Variants in RABGAP1L observed in about 807,000 individuals in gnomAD.
The protein encoded by RABGAP1L is rab GTPase-activating protein 1-like.
A neutral mutation model predicts 137.7 loss-of-function variants in RABGAP1L; 63 were observed. The observed-to-expected ratio is 0.46, with a 90% CI of 0.37 to 0.56. The LOEUF (loss-of-function observed/expected upper bound fraction) is 0.56. RABGAP1L is among the 20% of genes least tolerant of loss of function. The pLI is 0.00. For synonymous variants in RABGAP1L, 431 were observed against 433.7 expected, an observed-to-expected ratio of 0.99 and a Z score of 0.08; for missense variants, 1,095 against 1,244.0, an observed-to-expected ratio of 0.88 and a Z score of 1.80.
chr1:174,198,906 C>G (rs888990210), intron 1 of RABGAP1L, among the ~76,000 whole-genome samples: 1 of 152,036 alleles, frequency 6.6e-6, no homozygotes, highest in Non-Finnish European at 1.5e-5. Flanking sequence ...GTTGGGAGTT[C>G]GAGACCAGCC....
intron 1 of RABGAP1L, 32 bp from the exon 2 acceptor site, chr1:174,219,093 G>GT (rs375410689): frequency 0.052 from 51,736 of 1,002,886 alleles, no homozygotes; most frequent in South Asian, 0.065. Context: ...TAATCAGTAG[G>GT]TTTTTTTTTT....
At chr1:174,654,641 T>C (rs1675829236) in intron 14 of RABGAP1L, among the ~76,000 whole-genome samples, 1 of 152,126 alleles carries the variant, frequency 6.6e-6, no homozygotes, top group Non-Finnish European at 1.5e-5. Context: ...TTAAAAAAAA[T>C]ATGGTGTTCT....
chr1:174,327,964 T>TATATATATAC (rs1247519503), intron 11 of RABGAP1L, among the ~76,000 whole-genome samples: 246 of 13,882 alleles, frequency 0.018, 16 homozygotes, highest in African/African-American at 0.13. Flanking sequence ...TAAATATATA[T>TATATATATAC]ATATATATAT....
intron 17 of RABGAP1L, among the ~76,000 whole-genome samples, chr1:174,727,363 G>A (rs548588191): frequency 2.0e-4 from 30 of 152,270 alleles, no homozygotes; most frequent in African/African-American, 6.7e-4. Flanking sequence ...GAATCATATG[G>A]TGATCCTATT....
Position 174,311,915 on chromosome 1 carries a change from A to T in RABGAP1L, c.1465+6788A>T. On this transcript the variant is annotated intron_variant, in intron 11 of 25. Coordinates refer to ENST00000681986, the MANE Select transcript of RABGAP1L (RefSeq NM_001366446.1). Reference sequence around the variant, plus strand: ...AGCCACCATGCCCAGCTGACAGATGACTGGATCTTATTCTTTTTTATGATT... The same window carrying T: ...AGCCACCATGCCCAGCTGACAGATGTCTGGATCTTATTCTTTTTTATGATT... Among the ~76,000 whole-genome samples the T allele has an allele frequency of 1.3e-5, 2 of 152,156 alleles. 1 individual carries two copies. The highest frequency in any genetic ancestry group is 4.8e-5 in the African/African-American group (2 of 41,450).
chr1:174,989,732 G>A, intron 25 of RABGAP1L, 117 bp from the exon 26 acceptor site: 3 of 1,138,298 alleles, frequency 2.6e-6, no homozygotes, highest in South Asian at 3.2e-5. Context: ...CCTGGGTTTT[G>A]TGGGAGGAAA....
intron 19 of RABGAP1L, among the ~76,000 whole-genome samples, chr1:174,903,292 C>T (rs4651205): frequency 0.39 from 58,864 of 152,092 alleles, 14,283 homozygotes; most frequent in African/African-American, 0.69. Context: ...CATTCTGTAG[C>T]TGGAGTTGTC....
At chr1:174,741,764 T>A (rs1470587626) in intron 17 of RABGAP1L, among the ~76,000 whole-genome samples, 1 of 151,180 alleles carries the variant, frequency 6.6e-6, no homozygotes, top group Admixed American at 6.6e-5. Context: ...ATGTGGCTAC[T>A]TTTATACCAT....
chr1:174,163,774 T>A (rs1055381979), intron 1 of RABGAP1L, among the ~76,000 whole-genome samples: 2 of 152,158 alleles, frequency 1.3e-5, no homozygotes, highest in Admixed American at 6.5e-5. Context: ...GACAGTTTTT[T>A]TTTTTAATAA....
intron 17 of RABGAP1L, among the ~76,000 whole-genome samples, chr1:174,744,449 A>G (rs1683709838): frequency 6.6e-6 from 1 of 152,264 alleles, no homozygotes; most frequent in Non-Finnish European, 1.5e-5. Context: ...CAGAGAAGCC[A>G]AATGGATTTT....
At chr1:174,246,403 G>A (rs1198790411) in intron 5 of RABGAP1L, 2 of 152,202 alleles carry the variant, frequency 1.3e-5, no homozygotes, top group African/African-American at 4.8e-5. Flanking sequence ...ATGTATTGAA[G>A]TGTTTGCCAT....
At chr1:174,722,797 T>G (rs1344623285) in intron 17 of RABGAP1L, among the ~76,000 whole-genome samples, 1 of 152,130 alleles carries the variant, frequency 6.6e-6, no homozygotes, top group Non-Finnish European at 1.5e-5. Flanking sequence ...AGCAAGAATC[T>G]TCTATGCCTT....
rs142948941 is a variant in RABGAP1L, at chr1:174,693,138, T to C, written c.1900-6387T>C. Among the ~76,000 whole-genome samples, 444 of 152,300 alleles carry C rather than the reference T, an allele frequency of 2.9e-3. 4 individuals carry two copies. The highest frequency in any genetic ancestry group is 0.01 in the African/African-American group (417 of 41,568). ...AGATTCTTAGTAAACCAAAATATAG[T>C]TGTCCCTCAGTATTGGGAACTAATG... On this transcript the variant is annotated intron_variant, in intron 15 of 25. Transcript: ENST00000681986.
intron 18 of RABGAP1L, among the ~76,000 whole-genome samples, chr1:174,772,063 G>A (rs1686150864): frequency 6.6e-6 from 1 of 152,062 alleles, no homozygotes; most frequent in Non-Finnish European, 1.5e-5. Flanking sequence ...GCCGGGCCTG[G>A]TGGTGGGTGC....
intron 12 of RABGAP1L, among the ~76,000 whole-genome samples, chr1:174,392,956 T>G (rs1297984879): frequency 6.6e-6 from 1 of 152,186 alleles, no homozygotes; most frequent in Non-Finnish European, 1.5e-5. Context: ...CAAAAAGGCA[T>G]AGAATATAGT....
chr1:174,801,817 AT>A (rs1336195892), intron 18 of RABGAP1L, among the ~76,000 whole-genome samples: 1 of 152,166 alleles, frequency 6.6e-6, no homozygotes, highest in African/African-American at 2.4e-5. Context: ...AATGAGAAGC[AT>A]TTTATTTCAG....
At chr1:174,877,488 T>C in intron 19 of RABGAP1L, 1 of 1,614,140 alleles carries the variant, frequency 6.2e-7, no homozygotes, top group Non-Finnish European at 8.5e-7. Flanking sequence ...AAAGGCCAGC[T>C]GGCAAGATGA....
chr1:174,475,304 G>A (rs1175364021), intron 13 of RABGAP1L, among the ~76,000 whole-genome samples: 1 of 152,016 alleles, frequency 6.6e-6, no homozygotes, highest in Non-Finnish European at 1.5e-5. Context: ...CCCTTGTTAT[G>A]CTTTTTTTTC....
intron 11 of RABGAP1L, among the ~76,000 whole-genome samples, chr1:174,368,990 A>G (rs1420331211): frequency 1.3e-5 from 2 of 152,240 alleles, no homozygotes; most frequent in East Asian, 1.9e-4. Flanking sequence ...CTAATTTGGC[A>G]TGTACAACAT....
Sources: allele counts gnomAD v4.1 joint callset (sites outside exome capture counted in the v4.1 genomes callset), GRCh38; gene constraint gnomAD v4.1.1; transcripts MANE v1.5; gene names NCBI Gene and HGNC (gene_info 2026-07-23, HGNC 2026-07-21).